TCHHL1: variants seen among roughly 807,000 people sequenced by gnomAD.
TCHHL1 encodes trichohyalin like 1.
A neutral mutation model predicts 3.5 loss-of-function variants in TCHHL1; 1 was observed. The observed-to-expected ratio is 0.29, with a 90% CI of 0.10 to 1.36. The LOEUF (loss-of-function observed/expected upper bound fraction) is 1.36. TCHHL1 is among the 40% of genes most tolerant of loss of function. The probability of loss-of-function intolerance (pLI) is 0.43; values close to 1 mark genes in which losing one functional copy is unlikely to be tolerated. For missense variants in TCHHL1, 1,027 were observed against 1,032.8 expected (o/e 0.99, Z 0.08); for synonymous variants, 405 against 375.3 (o/e 1.08, Z -0.92).
In TCHHL1 at chr1:152,087,461, A is replaced by G. The variant is rs1184955703; in HGVS notation, c.221T>C (p.Val74Ala). The G allele has an allele frequency of 4.4e-6, 7 of 1,606,110 alleles. No individual in the cohort carries two copies. Among genetic ancestry groups the G allele is most frequent in the Non-Finnish European group, 5.9e-6 (7 of 1,179,948 alleles). ...SNGIISFDEFVLAIFNLLNLC... is the reference protein window; with the variant it reads ...SNGIISFDEFALAIFNLLNLC... ...GTTCAACAAGTTGAAGATTGCAAGAACAAATTCATCAAAACTGATGATGCC... is the reference window on the plus strand; with the variant it reads ...GTTCAACAAGTTGAAGATTGCAAGAGCAAATTCATCAAAACTGATGATGCC... Residue 74 changes from valine (V) to alanine (A), a missense_variant, in exon 3 of 3, where the codon GTT becomes GCT. Around this residue, in one of 3 missense-constraint regions of TCHHL1, gnomAD observed 338 missense variants for 335.9 expected, o/e 1.01. Transcript: ENST00000368806.
At chr1:152,087,691 T>G in intron 2 of TCHHL1, 148 bp from the exon 3 acceptor site, 1 of 887,452 alleles carries the variant, frequency 1.1e-6, no homozygotes, top group East Asian at 2.7e-5. Context: ...CTGCAAGCCA[T>G]TTTTCATCAG....
intron 1 of TCHHL1, 105 bp from the exon 2 acceptor site, chr1:152,088,268 G>T: frequency 1.1e-6 from 1 of 943,732 alleles, no homozygotes; most frequent in Non-Finnish European, 1.5e-6. Context: ...TGCAACCCCT[G>T]CTCTATTCTG....
At chr1:152,087,800 A>G (rs1572147825) in intron 2 of TCHHL1, among the ~76,000 whole-genome samples, 1 of 152,230 alleles carries the variant, frequency 6.6e-6, no homozygotes, top group East Asian at 1.9e-4. Context: ...TGCAGAAGCA[A>G]TAATCCCAGT....
At position 152,086,919 on chromosome 1, in the gene TCHHL1, C is replaced by G; in HGVS notation, c.763G>C (p.Glu255Gln). 6.8e-6 allele frequency: 11 copies of G among 1,614,148 alleles called. No homozygotes were observed. The highest frequency in any genetic ancestry group is 8.5e-6 in the Non-Finnish European group (10 of 1,180,026). ...GAACTTTGGGTTGCCAAGTTTCCTT[C>G]CTGTTCTCCAAACTGGTCTCTTATC... ...SKIRDQFGEQ[E>Q]GNLATQSSPP... The change falls in exon 3 of 3, where the codon GAA becomes CAA. Residue 255 changes from glutamate to glutamine, a missense_variant. Physicochemically the swap from Glu to Gln is conservative, Grantham distance 29 (BLOSUM62 2). Around this residue, in one of 3 missense-constraint regions of TCHHL1, gnomAD observed 338 missense variants for 335.9 expected, o/e 1.01. Transcript: ENST00000368806.
At position 152,085,921 on chromosome 1, in the gene TCHHL1, A is replaced by T. The variant is rs759436797; in HGVS notation, c.1761T>A (p.Gly587=). 15 of 1,613,532 alleles carry T rather than the reference A, an allele frequency of 9.3e-6. No homozygotes were observed. The highest frequency in any genetic ancestry group is 1.2e-5 in the Non-Finnish European group (14 of 1,179,874). ...TCTGGGTATCTGGGTTATTATTGTG[A>T]CCTCCTTGCACAGACTCTCCATGTT... ...GDQHGESVQG[G]HNNNPDTQRQ... Residue 587 remains glycine, a synonymous_variant, in exon 3 of 3, where the codon GGT becomes GGA. Transcript: ENST00000368806.
At position 152,086,444 on chromosome 1, in the gene TCHHL1, C is replaced by T. The variant is rs1372105633; in HGVS notation, c.1238G>A (p.Arg413Gln). 1.4e-5 allele frequency: 22 copies of T among 1,614,006 alleles called. No homozygotes were observed. The highest frequency in any genetic ancestry group is 2.2e-5 in the East Asian group (1 of 44,862). Reference sequence around the variant, plus strand: ...TGTTTGGGTTTCCAGGACTAGTGGCCGAGTTTTTCTGTCACGTTCTTTCTG... The same window carrying T: ...TGTTTGGGTTTCCAGGACTAGTGGCTGAGTTTTTCTGTCACGTTCTTTCTG... The part of the protein sequence containing the change: ...AGQKERDRKT[R>Q]PLVLETQTQD... Residue 413 changes from arginine to glutamine, a missense_variant, in exon 3 of 3, where the codon CGG becomes CAG. Arg to Gln is a conservative substitution (Grantham distance 43). Around this residue, in one of 3 missense-constraint regions of TCHHL1, gnomAD observed 673 missense variants for 658.6 expected, o/e 1.02. Coordinates refer to ENST00000368806, the MANE Select transcript of TCHHL1 (RefSeq NM_001008536.2).
rs754236943 is a variant in TCHHL1 at position 152,086,459 on chromosome 1, C to A, written c.1223G>T (p.Arg408Leu). Residue 408 changes from arginine (R) to leucine (L), a missense_variant, in exon 3 of 3, where the codon CGT becomes CTT. Coordinates refer to ENST00000368806, the MANE Select transcript of TCHHL1 (RefSeq NM_001008536.2). ...GACTAGTGGCCGAGTTTTTCTGTCACGTTCTTTCTGCCCTGCTGTTCCATG... is the reference window on the plus strand; with the variant it reads ...GACTAGTGGCCGAGTTTTTCTGTCAAGTTCTTTCTGCCCTGCTGTTCCATG... ...EAHGTAGQKERDRKTRPLVLE... is the reference protein window; with the variant it reads ...EAHGTAGQKELDRKTRPLVLE... 6.2e-7 allele frequency: 1 copy of A among 1,614,022 alleles called. No homozygotes were observed. Among genetic ancestry groups the A allele is most frequent in the Non-Finnish European group, 8.5e-7 (1 of 1,180,030 alleles).
intron 1 of TCHHL1, among the ~76,000 whole-genome samples, chr1:152,088,649 C>T (rs774223953): frequency 6.6e-6 from 1 of 152,098 alleles, no homozygotes; most frequent in East Asian, 1.9e-4. Context: ...AAATTAACCC[C>T]TATGTTTGCA....
rs1200404487 is a variant in TCHHL1, at chr1:152,087,055, A to G, written c.627T>C (p.Asn209=). 3 of 1,613,378 alleles carry G rather than the reference A, an allele frequency of 1.9e-6. No homozygotes were observed. Among genetic ancestry groups the G allele is most frequent in the Admixed American group, 1.7e-5 (1 of 59,952 alleles). Residue 209 remains asparagine (N), a synonymous_variant, in exon 3 of 3, where the codon AAT becomes AAC. Transcript: ENST00000368806. ...TEDNEGQLKT[N]KPMAGSKKTS... ...TCTTTTTTGATCCTGCCATTGGCTT[A>G]TTTGTCTTAAGTTGGCCTTCATTGT...
Position 152,086,794 on chromosome 1 carries a change from T to A in TCHHL1, c.888A>T (p.Glu296Asp). Reference sequence around the variant, plus strand: ...CAGCATGCTGTGAACTGGGCTCATCTTCTCTTTGTAGGGGTGGTTCTTGTA... The same window carrying A: ...CAGCATGCTGTGAACTGGGCTCATCATCTCTTTGTAGGGGTGGTTCTTGTA... ...SNIQEPPLQREDEPSSQHADL... is the reference protein window; with the variant it reads ...SNIQEPPLQRDDEPSSQHADL... Residue 296 changes from glutamate (E) to aspartate (D), a missense_variant, in exon 3 of 3, where the codon GAA becomes GAT. Physicochemically the swap from Glu to Asp is conservative, Grantham distance 45 (BLOSUM62 2). Coordinates refer to ENST00000368806, the MANE Select transcript of TCHHL1 (RefSeq NM_001008536.2). The A allele has an allele frequency of 2.5e-6, 4 of 1,614,188 alleles. No homozygotes were observed. Among genetic ancestry groups the A allele is most frequent in the Non-Finnish European group, 3.4e-6 (4 of 1,180,016 alleles).
rs1054707169 is a variant in TCHHL1, at chr1:152,089,043, A to G, written c.-44T>C. ...ACCTAGTTCACAAGCGAGAGCAGGTAGAACGTGGGGCAGCGGGCTGTGAGC... is the reference window on the plus strand; with the variant it reads ...ACCTAGTTCACAAGCGAGAGCAGGTGGAACGTGGGGCAGCGGGCTGTGAGC... On this transcript the variant is annotated 5_prime_UTR_variant, in exon 1 of 3. Coordinates refer to ENST00000368806, the MANE Select transcript of TCHHL1 (RefSeq NM_001008536.2). 2.0e-5 allele frequency: 3 copies of G among 152,214 alleles called. No homozygotes were observed. The highest frequency in any genetic ancestry group is 2.9e-5 in the Non-Finnish European group (2 of 68,048). 9.4% of individuals were successfully genotyped at this position (152,214 alleles called of 1,614,324 possible).
Position 152,084,696 on chromosome 1 carries a change from T to C in TCHHL1, c.*271A>G, listed in dbSNP as rs1164986242. 3.0e-6 allele frequency: 1 copy of C among 338,622 alleles called. No homozygotes were observed. Among genetic ancestry groups the C allele is most frequent in the African/African-American group, 2.1e-5 (1 of 47,202 alleles). The allele number at this position is 338,622 out of a possible 1,614,324, so 21.0% of individuals were successfully genotyped here. The stretch of plus-strand genomic sequence containing the variant: ...AGATATGGAAGGAATTTTTCCATTT[T>C]TAATGACAGGTACATTGAGATAAAC... On this transcript the variant is annotated 3_prime_UTR_variant, in exon 3 of 3. Transcript: ENST00000368806.
rs762861401 is a variant in TCHHL1, at chr1:152,087,295, T to C, written c.387A>G (p.Gln129=). ...GQWTVGTSPT[Q]EKRMLPSGMA... ...TTCCTGAAGGAAGCATCCTCTTTTC[T>C]TGAGTTGGTGAAGTTCCCACTGTCC... The change falls in exon 3 of 3, where the codon CAA becomes CAG. Residue 129 remains glutamine (Q), a synonymous_variant. Coordinates refer to ENST00000368806, the MANE Select transcript of TCHHL1 (RefSeq NM_001008536.2). 1.2e-6 allele frequency: 2 copies of C among 1,614,106 alleles called. No individual in the cohort carries two copies. Among genetic ancestry groups the C allele is most frequent in the Non-Finnish European group, 1.7e-6 (2 of 1,180,018 alleles).
rs759548179 is a variant in TCHHL1, at chr1:152,085,323, C to G, written c.2359G>C (p.Glu787Gln). ...GCACCCCTCTCCACAGAACAGGGCT[C>G]TTGGTCTCTCTGCATCTGCTTTTCA... is the stretch of plus-strand genomic sequence containing the variant. ...SLEKQMQRDQ[E>Q]PCSVERGAVY... The change falls in exon 3 of 3, where the codon GAG becomes CAG. Residue 787 changes from glutamate (E) to glutamine (Q), a missense_variant. Transcript: ENST00000368806. 12 of 1,614,186 alleles carry G rather than the reference C, an allele frequency of 7.4e-6. No individual in the cohort carries two copies. Among genetic ancestry groups the G allele is most frequent in the Non-Finnish European group, 9.3e-6 (11 of 1,180,040 alleles).
chr1:152,085,614 G>T lies in TCHHL1; in HGVS notation c.2068C>A (p.Pro690Thr). 6.2e-7 allele frequency: 1 copy of T among 1,614,132 alleles called. No homozygotes were observed. Among genetic ancestry groups the T allele is most frequent in the Non-Finnish European group, 8.5e-7 (1 of 1,180,026 alleles). Reference protein sequence around the residue: ...FTDQLSLMQLPGKGDSRNELK... With the variant: ...FTDQLSLMQLTGKGDSRNELK... ...TCATTTCTGCTATCTCCCTTTCCAGGGAGCTGCATTAGGGAAAGCTGGTCA... is the reference window on the plus strand; with the variant it reads ...TCATTTCTGCTATCTCCCTTTCCAGTGAGCTGCATTAGGGAAAGCTGGTCA... The change falls in exon 3 of 3, where the codon CCT becomes ACT. Residue 690 changes from proline (P) to threonine (T), a missense_variant. By Grantham distance (38) the Pro-to-Thr change is conservative. This residue lies in a region of TCHHL1 where 673 missense variants were observed against 658.6 expected (regional missense o/e 1.02). Transcript: ENST00000368806.
chr1:152,085,600 A>G lies in TCHHL1; in HGVS notation c.2082T>C (p.Asp694=), dbSNP rs750233685. ...LSLMQLPGKG[D]SRNELKVQGP... Reference sequence around the variant, plus strand: ...CTTGGACCTTTAATTCATTTCTGCTATCTCCCTTTCCAGGGAGCTGCATTA... The same window carrying G: ...CTTGGACCTTTAATTCATTTCTGCTGTCTCCCTTTCCAGGGAGCTGCATTA... Residue 694 remains aspartate, a synonymous_variant, in exon 3 of 3, where the codon GAT becomes GAC. Coordinates refer to ENST00000368806, the MANE Select transcript of TCHHL1 (RefSeq NM_001008536.2). 1 of 1,614,120 alleles carries G rather than the reference A, an allele frequency of 6.2e-7. No homozygotes were observed. Among genetic ancestry groups the G allele is most frequent in the East Asian group, 2.2e-5 (1 of 44,890 alleles).
In TCHHL1 at chr1:152,085,792, T is replaced by G; in HGVS notation, c.1890A>C (p.Arg630Ser). Reference protein sequence around the residue: ...QLTEDQEQPARGEHKNQGPGT... With the variant: ...QLTEDQEQPASGEHKNQGPGT... ...CTGGGCCTTGATTCTTGTGTTCTCC[T>G]CTGGCAGGCTGTTCCTGGTCCTCTG... Residue 630 changes from arginine (R) to serine (S), a missense_variant, in exon 3 of 3, where the codon AGA (arginine) becomes AGC (serine). Arg to Ser is a moderately radical substitution (Grantham distance 110). This residue lies in a region of TCHHL1 where 673 missense variants were observed against 658.6 expected (regional missense o/e 1.02). Transcript: ENST00000368806. 6.2e-7 allele frequency: 1 copy of G among 1,614,192 alleles called. No individual in the cohort carries two copies. Among genetic ancestry groups the G allele is most frequent in the Non-Finnish European group, 8.5e-7 (1 of 1,180,034 alleles).
rs1275003922 is a variant in TCHHL1 at position 152,085,468 on chromosome 1, T to A, written c.2214A>T (p.Thr738=). ...NSASLKIQLE[T]KEPVTSEEED... ...CCTCCTCTGATGTTACAGGTTCCTT[T>A]GTTTCAAGTTGTATCTTGAGGGAGG... Residue 738 remains threonine (T), a synonymous_variant, in exon 3 of 3, where the codon ACA becomes ACT. Coordinates refer to ENST00000368806, the MANE Select transcript of TCHHL1 (RefSeq NM_001008536.2). The A allele has an allele frequency of 6.8e-6, 11 of 1,614,116 alleles. No individual in the cohort carries two copies. Among genetic ancestry groups the A allele is most frequent in the Non-Finnish European group, 8.5e-6 (10 of 1,180,042 alleles).
Position 152,086,527 on chromosome 1 carries a change from A to C in TCHHL1, c.1155T>G (p.Ser385=). 6.2e-7 allele frequency: 1 copy of C among 1,613,986 alleles called. No individual in the cohort carries two copies. The highest frequency in any genetic ancestry group is 1.1e-5 in the South Asian group (1 of 91,072). The change falls in exon 3 of 3, where the codon TCT becomes TCG. Residue 385 remains serine (S), a synonymous_variant. Coordinates refer to ENST00000368806, the MANE Select transcript of TCHHL1 (RefSeq NM_001008536.2). Reference sequence around the variant, plus strand: ...TCTCTTTCCTTTCATCTCTCATGTCAGATGTTTCTGAACCATTTCTGCTAC... The same window carrying C: ...TCTCTTTCCTTTCATCTCTCATGTCCGATGTTTCTGAACCATTTCTGCTAC... ...QYGSRNGSET[S]DMRDERKERR...
Sources: gnomAD v4.1 joint callset for allele counts (sites outside exome capture counted in the v4.1 genomes callset) on GRCh38, gnomAD v4.1.1 for gene constraint, gnomAD v4.1.1 regional missense constraint, MANE v1.5 for transcripts, NCBI Gene and HGNC (gene_info 2026-07-23, HGNC 2026-07-21) for gene names.